The following MRTFA variants were observed in gnomAD, a reference collection of about 807,000 sequenced individuals.
The protein encoded by MRTFA is myocardin-related transcription factor A.
A neutral mutation model predicts 83.5 loss-of-function variants in MRTFA; 20 were observed. The observed-to-expected ratio is 0.24, with a 90% CI of 0.17 to 0.35. The LOEUF is 0.35. Among genes scored for constraint, MRTFA ranks in the 10% least tolerant of loss-of-function variants. MRTFA has a pLI of 1.00. For missense variants in MRTFA, 1,200 were observed against 1,224.7 expected (o/e 0.98, Z 0.30); for synonymous variants, 659 against 541.2 (o/e 1.22, Z -3.02).
intron 2 of MRTFA, among the ~76,000 whole-genome samples, chr22:40,553,566 G>A (rs1269339357): frequency 1.3e-5 from 2 of 152,212 alleles, no homozygotes; most frequent in Non-Finnish European, 2.9e-5. Flanking sequence ...CAGGTGCACA[G>A]AAGTCTGGAA....
chr22:40,492,231 C>T (rs2054283155), intron 3 of MRTFA, among the ~76,000 whole-genome samples: 2 of 152,202 alleles, frequency 1.3e-5, no homozygotes, highest in South Asian at 4.1e-4. Context: ...TAGCCCTGCT[C>T]TTTAAGTTAA....
intron 2 of MRTFA, among the ~76,000 whole-genome samples, chr22:40,562,607 G>T (rs1419729402): frequency 9.3e-6 from 1 of 107,358 alleles, no homozygotes; most frequent in Admixed American, 9.1e-5. Context: ...AGGAGGGGAA[G>T]GGGTAAGGGG....
At chr22:40,575,495 C>A (rs2055854607) in intron 2 of MRTFA, among the ~76,000 whole-genome samples, 1 of 152,008 alleles carries the variant, frequency 6.6e-6, no homozygotes, top group African/African-American at 2.4e-5. Context: ...AAATTATTTG[C>A]TTTCCAGGTG....
At chr22:40,556,945 G>A (rs533294047) in intron 2 of MRTFA, among the ~76,000 whole-genome samples, 1 of 152,300 alleles carries the variant, frequency 6.6e-6, no homozygotes, top group East Asian at 1.9e-4. Context: ...CAAAACTTCA[G>A]CCCTAGGACT....
intron 1 of MRTFA, among the ~76,000 whole-genome samples, chr22:40,622,195 T>G (rs1394448130): frequency 1.3e-5 from 2 of 152,000 alleles, no homozygotes; most frequent in Non-Finnish European, 2.9e-5. Flanking sequence ...AATTAAGAAT[T>G]TTGGGGCCGG....
intron 1 of MRTFA, among the ~76,000 whole-genome samples, chr22:40,605,462 T>A (rs2056309080): frequency 6.6e-6 from 1 of 152,106 alleles, no homozygotes. Context: ...GGTGGTGAGA[T>A]CAGCAAAGAT....
intron 7 of MRTFA, among the ~76,000 whole-genome samples, chr22:40,427,645 C>T (rs549366145): frequency 6.6e-6 from 1 of 152,188 alleles, no homozygotes; most frequent in South Asian, 2.1e-4. Context: ...GGTTTTTGTC[C>T]CCCAGTTCTC....
At chr22:40,567,740 T>C (rs1343140151) in intron 2 of MRTFA, among the ~76,000 whole-genome samples, 1 of 152,152 alleles carries the variant, frequency 6.6e-6, no homozygotes, top group Non-Finnish European at 1.5e-5. Context: ...GAGACAAACC[T>C]CACCTAGCAT....
chr22:40,415,122 C>T (rs1183962727), intron 14 of MRTFA: 4 of 152,472 alleles, frequency 2.6e-5, no homozygotes, highest in Admixed American at 2.6e-4. Context: ...CCACACCCAC[C>T]ATCTCCCTTT....
rs1225274059 is a variant in MRTFA, at chr22:40,417,536, G to T, written c.2365-43C>A. On this transcript the variant is annotated intron_variant, in intron 12 of 14. Transcript: ENST00000355630. ...GAGAGGACCAGTGGCCAGGGGGCTG[G>T]GGGTGCAGACCTGCCTTGTAGGGGG... The T allele has an allele frequency of 8.0e-6, 10 of 1,244,534 alleles. 1 individual carries two copies. In the South Asian group the frequency reaches 1.0e-4, roughly 13 times the overall value. The allele number at this position is 1,244,534 out of a possible 1,614,324, so 77.1% of individuals were successfully genotyped here. A position where few individuals can be genotyped will look rare whatever the true frequency, so the allele number is the denominator to read the frequency against.
At chr22:40,568,399 G>A (rs2055736790) in intron 2 of MRTFA, among the ~76,000 whole-genome samples, 1 of 152,166 alleles carries the variant, frequency 6.6e-6, no homozygotes, top group South Asian at 2.1e-4. Context: ...GGTTATTAAA[G>A]ACTTTGATCA....
intron 4 of MRTFA, among the ~76,000 whole-genome samples, chr22:40,438,267 GTA>G (rs1260323842): frequency 6.6e-6 from 1 of 152,132 alleles, no homozygotes; most frequent in Non-Finnish European, 1.5e-5. Flanking sequence ...GAACCAAATG[GTA>G]TATGTGTCGA....
intron 7 of MRTFA, among the ~76,000 whole-genome samples, chr22:40,426,691 T>C (rs956142151): frequency 3.3e-5 from 5 of 152,130 alleles, no homozygotes; most frequent in African/African-American, 9.7e-5. Flanking sequence ...AGACGTGCTA[T>C]AGTGTGGGTA....
chr22:40,514,731 C>T (rs977438356), intron 3 of MRTFA, among the ~76,000 whole-genome samples: 2 of 151,856 alleles, frequency 1.3e-5, no homozygotes, highest in Non-Finnish European at 2.9e-5. Context: ...CCACCCGCTT[C>T]GGCCTCCCAA....
intron 2 of MRTFA, among the ~76,000 whole-genome samples, chr22:40,583,646 G>A (rs1046807653): frequency 6.6e-6 from 1 of 152,204 alleles, no homozygotes; most frequent in Non-Finnish European, 1.5e-5. Flanking sequence ...ATCAGCAGTG[G>A]CATTAGATTC....
At chr22:40,425,020 C>G (rs1418733648) in intron 7 of MRTFA, among the ~76,000 whole-genome samples, 1 of 152,220 alleles carries the variant, frequency 6.6e-6, no homozygotes, top group Non-Finnish European at 1.5e-5. Context: ...GTGACCTCCT[C>G]TAGAGGCCAG....
chr22:40,617,215 A>AGGGC (rs1221970266), intron 1 of MRTFA, among the ~76,000 whole-genome samples: 2 of 12,256 alleles, frequency 1.6e-4, no homozygotes, highest in South Asian at 3.1e-3. Context: ...GGAGGGAGGG[A>AGGGC]GGGAGGGCGG....
At chr22:40,589,501 G>C (rs1047329224) in intron 2 of MRTFA, among the ~76,000 whole-genome samples, 1 of 152,190 alleles carries the variant, frequency 6.6e-6, no homozygotes, top group Non-Finnish European at 1.5e-5. Flanking sequence ...CCCTCAGTAA[G>C]AGCTGTATTG....
intron 3 of MRTFA, among the ~76,000 whole-genome samples, chr22:40,528,318 T>C (rs1044575287): frequency 6.6e-6 from 1 of 152,138 alleles, no homozygotes; most frequent in Admixed American, 6.6e-5. Context: ...TGGGAAAAAT[T>C]ATAAACAATC....
Sources: gnomAD v4.1 joint callset for allele counts (sites outside exome capture counted in the v4.1 genomes callset) on GRCh38, gnomAD v4.1.1 for gene constraint, MANE v1.5 for transcripts, NCBI Gene and HGNC (gene_info 2026-07-23, HGNC 2026-07-21) for gene names.